Variants in ZNF704 observed in about 807,000 individuals in gnomAD.
ZNF704 encodes zinc finger protein 704, also known as glucocorticoid induced gene 1.
Under a neutral mutation model 44.7 loss-of-function variants are expected in ZNF704, and 10 were observed. The observed-to-expected ratio is 0.22, with a 90% confidence interval of 0.14 to 0.38. The LOEUF (loss-of-function observed/expected upper bound fraction) is 0.38. Ranked by LOEUF, ZNF704 falls within the 10% of genes least tolerant of loss-of-function variation. The pLI, the probability that ZNF704 is intolerant of heterozygous loss-of-function variation, is 1.00. For missense variants in ZNF704, 390 were observed against 545.5 expected, an observed-to-expected ratio of 0.71 and a Z score of 2.84; for synonymous variants, 211 against 207.6, an observed-to-expected ratio of 1.02 and a Z score of -0.14.
At chr8:80,788,185 AAACC>A (rs2129735576) in intron 2 of ZNF704, among the ~76,000 whole-genome samples, 2 of 152,320 alleles carry the variant, frequency 1.3e-5, no homozygotes, top group East Asian at 3.9e-4. Flanking sequence ...CAAAAAGGTA[AAACC>A]AACAGAATAA....
chr8:80,869,773 T>G lies in ZNF704; in HGVS notation c.-22+4798A>C, dbSNP rs141094556. Among the ~76,000 whole-genome samples the G allele has an allele frequency of 2.5e-3, 388 of 152,352 alleles. 3 individuals carry two copies. The highest frequency in any genetic ancestry group is 8.9e-3 in the African/African-American group (369 of 41,578). ...AGAATATGGCCAAGTTTCTGGCCTA[T>G]TCCTCCTGACTACATTGCATTATGC... On this transcript the variant is annotated intron_variant, in intron 1 of 8. Coordinates refer to ENST00000327835, the MANE Select transcript of ZNF704 (RefSeq NM_001033723.3).
intron 2 of ZNF704, among the ~76,000 whole-genome samples, chr8:80,819,129 C>T (rs1586050113): frequency 6.6e-6 from 1 of 152,088 alleles, no homozygotes; most frequent in Non-Finnish European, 1.5e-5. Context: ...TAGATTAATA[C>T]ATCTAAATTA....
chr8:80,693,088 C>T lies in ZNF704; in HGVS notation c.241G>A (p.Asp81Asn), dbSNP rs1461491566. ...ATTGCTGCTGTCACCTTGTCCATGT[C>T]TAGTTCCTCTGAAGATTTCCTGTAA... ...PPARKSSEEL[D>N]MDKVTAAMVL... The change falls in exon 3 of 9, where the codon GAC (aspartate) becomes AAC (asparagine). Residue 81 changes from aspartate (D) to asparagine (N), a missense_variant. Physicochemically the swap from Asp to Asn is conservative, Grantham distance 23 (BLOSUM62 1). Transcript: ENST00000327835. 6.2e-7 allele frequency: 1 copy of T among 1,614,094 alleles called. No homozygotes were observed. Among genetic ancestry groups the T allele is most frequent in the Non-Finnish European group, 8.5e-7 (1 of 1,180,036 alleles).
chr8:80,780,178 T>G lies in ZNF704; in HGVS notation c.221+41196A>C, dbSNP rs72671920. ...GCAACGGCAAGTGGCACAGTGTGGC[T>G]GGAGGGCAAGGTACATGGAGGGAAG... On this transcript the variant is annotated intron_variant, in intron 2 of 8. Coordinates refer to ENST00000327835, the MANE Select transcript of ZNF704 (RefSeq NM_001033723.3). 2.5e-3 allele frequency among the ~76,000 whole-genome samples: 377 copies of G among 152,132 alleles called. 1 individual carries two copies. The highest frequency in any genetic ancestry group is 4.5e-3 in the Non-Finnish European group (303 of 67,982).
At chr8:80,829,419 A>G (rs964167845) in intron 1 of ZNF704, among the ~76,000 whole-genome samples, 1 of 152,224 alleles carries the variant, frequency 6.6e-6, no homozygotes, top group Non-Finnish European at 1.5e-5. Flanking sequence ...AGTTTTGATG[A>G]TTATAAATTG....
chr8:80,686,341 TGCTAAATCAATTAATTA>T (rs1205064658), intron 4 of ZNF704, among the ~76,000 whole-genome samples: 1 of 152,230 alleles, frequency 6.6e-6, no homozygotes, highest in Non-Finnish European at 1.5e-5. Context: ...TCAATTAATT[TGCTAAATCAATTAATTA>T]GATGTCTTTT....
chr8:80,683,189 T>C (rs1427395710), intron 4 of ZNF704, among the ~76,000 whole-genome samples: 1 of 152,218 alleles, frequency 6.6e-6, no homozygotes, highest in Non-Finnish European at 1.5e-5. Context: ...GGTTTTTCTC[T>C]GAGCTTGGAA....
intron 1 of ZNF704, among the ~76,000 whole-genome samples, chr8:80,853,092 G>A (rs1488103792): frequency 3.3e-5 from 5 of 152,302 alleles, no homozygotes; most frequent in African/African-American, 7.2e-5. Context: ...TGTGAAAGGC[G>A]CATTGGCTCA....
intron 2 of ZNF704, among the ~76,000 whole-genome samples, chr8:80,746,266 A>G (rs761279396): frequency 9.9e-5 from 15 of 152,234 alleles, no homozygotes; most frequent in Non-Finnish European, 1.3e-4. Flanking sequence ...TTTTGAATGT[A>G]TAATAAAAGG....
intron 5 of ZNF704, 104 bp downstream of exon 5, chr8:80,670,399 G>T: frequency 1.3e-6 from 1 of 792,016 alleles, no homozygotes. Flanking sequence ...AGCCAGCCCA[G>T]TGTCCAGAAC....
At chr8:80,644,354 C>T (rs1817793612) in intron 7 of ZNF704, among the ~76,000 whole-genome samples, 1 of 152,150 alleles carries the variant, frequency 6.6e-6, no homozygotes, top group Non-Finnish European at 1.5e-5. Flanking sequence ...CAGCCCTTTG[C>T]ATTACCTGTC....
chr8:80,730,130 G>A (rs1806553874), intron 2 of ZNF704, among the ~76,000 whole-genome samples: 1 of 152,038 alleles, frequency 6.6e-6, no homozygotes, highest in Non-Finnish European at 1.5e-5. Flanking sequence ...CACATGAGAA[G>A]GAAATAGATT....
intron 2 of ZNF704, chr8:80,776,756 G>A (rs896107838): frequency 1.3e-5 from 2 of 152,174 alleles, no homozygotes; most frequent in Non-Finnish European, 2.9e-5. Flanking sequence ...GCTCTGACCT[G>A]CTCTATTTTC....
intron 1 of ZNF704, among the ~76,000 whole-genome samples, chr8:80,873,212 G>T (rs1467128149): frequency 1.3e-5 from 2 of 152,084 alleles, no homozygotes; most frequent in Admixed American, 1.3e-4. Context: ...GGCACGAACC[G>T]GCGCCTCCGT....
chr8:80,641,888 C>T (rs973326009), intron 8 of ZNF704, among the ~76,000 whole-genome samples: 1 of 152,188 alleles, frequency 6.6e-6, no homozygotes, highest in Non-Finnish European at 1.5e-5. Flanking sequence ...GTTGTTTTCA[C>T]AGCCACTACA....
intron 1 of ZNF704, among the ~76,000 whole-genome samples, chr8:80,847,488 T>C (rs1808786876): frequency 6.6e-6 from 1 of 152,134 alleles, no homozygotes; most frequent in Non-Finnish European, 1.5e-5. Flanking sequence ...AAAATGCATA[T>C]GGAAAGGCAC....
rs373516777 is a variant in ZNF704 at position 80,722,833 on chromosome 8, A to G, written c.222-29726T>C. ...CAAACCACTCTCTCCCACTTTAAGA[A>G]AAAAGGCACCCTTTATCTGTCTTCC... On this transcript the variant is annotated intron_variant, in intron 2 of 8. Transcript: ENST00000327835. Among the ~76,000 whole-genome samples the G allele has an allele frequency of 5.2e-4, 79 of 152,312 alleles. 1 individual carries two copies. Among genetic ancestry groups the G allele is most frequent in the Middle Eastern group, 3.4e-3 (1 of 294 alleles).
At chr8:80,695,962 C>A (rs1818717842) in intron 2 of ZNF704, among the ~76,000 whole-genome samples, 1 of 152,210 alleles carries the variant, frequency 6.6e-6, no homozygotes, top group Admixed American at 6.5e-5. Context: ...ATATTTTAAT[C>A]ATGCTACATG....
rs556848885 is a variant in ZNF704, at chr8:80,719,523, C to T, written c.222-26416G>A. 6.6e-5 allele frequency among the ~76,000 whole-genome samples: 10 copies of T among 152,110 alleles called. No homozygotes were observed. The South Asian group carries it at 1.5e-3, about 22-fold the overall frequency. ...GGGTGGCCCTTTTCAAAATGTGCAC[C>T]GGTCAATTATCACAAAGCTTTAAGG... On this transcript the variant is annotated intron_variant, in intron 2 of 8. Transcript: ENST00000327835.
Sources: gnomAD v4.1 joint callset for allele counts (sites outside exome capture counted in the v4.1 genomes callset) on GRCh38, gnomAD v4.1.1 for gene constraint, MANE v1.5 for transcripts, NCBI Gene and HGNC (gene_info 2026-07-23, HGNC 2026-07-21) for gene names.